Variants in TNNI3K observed in about 807,000 individuals in gnomAD.
The protein encoded by TNNI3K is TNNI3 interacting kinase, also known as serine/threonine-protein kinase TNNI3K.
A neutral mutation model predicts 114.5 loss-of-function variants in TNNI3K; 140 were observed. The observed-to-expected ratio is 1.22, with a 90% CI of 1.07 to 1.41. The LOEUF is 1.41. Among genes scored for constraint, TNNI3K ranks in the 40% most tolerant of loss-of-function variants. The probability of loss-of-function intolerance (pLI) is 0.00; values close to 1 mark genes in which losing one functional copy is unlikely to be tolerated. For synonymous variants in TNNI3K, 347 were observed against 347.5 expected, an observed-to-expected ratio of 1.00 and a Z score of 0.02; for missense variants, 1,125 against 1,007.6, an observed-to-expected ratio of 1.12 and a Z score of -1.58.
At chr1:74,447,150 A>G (rs1424718126) in intron 20 of TNNI3K, among the ~76,000 whole-genome samples, 1 of 151,370 alleles carries the variant, frequency 6.6e-6, no homozygotes, top group Non-Finnish European at 1.5e-5. Flanking sequence ...CATTTTCACG[A>G]TATTGATTCT....
intron 23 of TNNI3K, among the ~76,000 whole-genome samples, chr1:74,502,732 T>A (rs1669698854): frequency 1.3e-5 from 2 of 152,230 alleles, no homozygotes; most frequent in African/African-American, 4.8e-5. Context: ...AGTAGCCACT[T>A]TGCCTCAGCT....
intron 20 of TNNI3K, among the ~76,000 whole-genome samples, chr1:74,453,229 C>T (rs1046260932): frequency 1.2e-4 from 18 of 152,170 alleles, no homozygotes; most frequent in African/African-American, 4.3e-4. Context: ...AAAGTCTTGC[C>T]TAAGAGTATC....
intron 17 of TNNI3K, among the ~76,000 whole-genome samples, chr1:74,431,452 T>G (rs1665893938): frequency 6.6e-6 from 1 of 152,082 alleles, no homozygotes; most frequent in African/African-American, 2.4e-5. Flanking sequence ...AGTTTGCATT[T>G]CATTCCCAAT....
chr1:74,414,365 G>A (rs1665022340), intron 17 of TNNI3K, among the ~76,000 whole-genome samples: 1 of 152,182 alleles, frequency 6.6e-6, no homozygotes, highest in East Asian at 1.9e-4. Flanking sequence ...ATAAACATAG[G>A]ACCATTTATC....
chr1:74,445,229 T>C (rs1355970877), intron 20 of TNNI3K, among the ~76,000 whole-genome samples: 2 of 151,562 alleles, frequency 1.3e-5, no homozygotes, highest in Admixed American at 6.6e-5. Context: ...TTCTTTTTTT[T>C]TTTATTATAC....
chr1:74,541,778 TGA>T (rs1474509352), intron 24 of TNNI3K, among the ~76,000 whole-genome samples: 3 of 152,058 alleles, frequency 2.0e-5, no homozygotes, highest in African/African-American at 7.2e-5. Flanking sequence ...TTGGATGGAG[TGA>T]GAGTACCTAT....
intron 20 of TNNI3K, among the ~76,000 whole-genome samples, chr1:74,456,625 A>T (rs1667237002): frequency 6.6e-6 from 1 of 152,158 alleles, no homozygotes; most frequent in Admixed American, 6.6e-5. Flanking sequence ...CTTTCAAATT[A>T]TAGTCTGGGC....
chr1:74,348,385 GT>G (rs1213643748), intron 9 of TNNI3K, among the ~76,000 whole-genome samples: 8 of 152,194 alleles, frequency 5.3e-5, no homozygotes, highest in Non-Finnish European at 1.2e-4. Context: ...GTACCATGCT[GT>G]TTTGGTTACT....
intron 17 of TNNI3K, among the ~76,000 whole-genome samples, chr1:74,420,113 G>A (rs988196155): frequency 4.6e-5 from 7 of 151,972 alleles, no homozygotes; most frequent in Admixed American, 3.3e-4. Flanking sequence ...AAATGAATGA[G>A]TAAATAGATT....
At chr1:74,536,356 G>A (rs1226473184) in intron 23 of TNNI3K, among the ~76,000 whole-genome samples, 1 of 152,072 alleles carries the variant, frequency 6.6e-6, no homozygotes, top group African/African-American at 2.4e-5. Context: ...TACATATTGT[G>A]GATTTGAGTG....
chr1:74,452,512 C>G (rs1667070389), intron 20 of TNNI3K, among the ~76,000 whole-genome samples: 1 of 152,120 alleles, frequency 6.6e-6, no homozygotes, highest in Admixed American at 6.6e-5. Flanking sequence ...CAGTTTATCT[C>G]TGAAATCCAT....
chr1:74,298,551 A>G (rs946757622), intron 5 of TNNI3K, among the ~76,000 whole-genome samples: 3 of 152,136 alleles, frequency 2.0e-5, no homozygotes, highest in East Asian at 1.9e-4. Context: ...ATTTTGAGCT[A>G]TCATAAATCT....
chr1:74,276,834 C>A (rs575440168), intron 5 of TNNI3K, among the ~76,000 whole-genome samples: 7 of 152,192 alleles, frequency 4.6e-5, no homozygotes, highest in African/African-American at 1.4e-4. Context: ...AGGCAGCTGT[C>A]TTCTTCAATA....
chr1:74,306,387 A>G (rs76454393), intron 5 of TNNI3K, among the ~76,000 whole-genome samples: 2,879 of 152,296 alleles, frequency 0.019, 86 homozygotes, highest in African/African-American at 0.065. Flanking sequence ...TCTTTTGAGT[A>G]GATACCCAGT....
At chr1:74,527,272 A>G (rs936296707) in intron 23 of TNNI3K, among the ~76,000 whole-genome samples, 2 of 152,246 alleles carry the variant, frequency 1.3e-5, no homozygotes, top group African/African-American at 2.4e-5. Context: ...AATGACCACA[A>G]ACTTTGTTAA....
At chr1:74,530,136 G>A (rs781053349) in intron 23 of TNNI3K, among the ~76,000 whole-genome samples, 2 of 152,080 alleles carry the variant, frequency 1.3e-5, no homozygotes, top group Non-Finnish European at 2.9e-5. Flanking sequence ...GCCGTTAGGT[G>A]TCTACGTTTC....
chr1:74,300,403 A>G (rs1557483751), intron 5 of TNNI3K, among the ~76,000 whole-genome samples: 1 of 152,208 alleles, frequency 6.6e-6, no homozygotes, highest in East Asian at 1.9e-4. Context: ...TTAGGGTTTT[A>G]TTTAAATATA....
chr1:74,238,855 T>C (rs1180853829), intron 2 of TNNI3K, among the ~76,000 whole-genome samples: 6 of 152,058 alleles, frequency 3.9e-5, no homozygotes, highest in African/African-American at 7.2e-5. Flanking sequence ...GGGCCTCTTA[T>C]GTTAATGGAG....
chr1:74,334,081 T>C (rs1429544337), intron 6 of TNNI3K, among the ~76,000 whole-genome samples: 1 of 152,252 alleles, frequency 6.6e-6, no homozygotes, highest in African/African-American at 2.4e-5. Flanking sequence ...TTTCATGCGA[T>C]GACTTATTTA....
Sources: gnomAD v4.1 joint callset for allele counts (sites outside exome capture counted in the v4.1 genomes callset) on GRCh38, gnomAD v4.1.1 for gene constraint, MANE v1.5 for transcripts, NCBI Gene and HGNC (gene_info 2026-07-23, HGNC 2026-07-21) for gene names.